TUSC3: variants seen among roughly 807,000 people sequenced by gnomAD.
The protein encoded by TUSC3 is tumor suppressor candidate 3.
In TUSC3, 45 loss-of-function variants were observed where a neutral mutation model predicts 44.8. The observed-to-expected ratio is 1.00, with a 90% CI of 0.79 to 1.29. The LOEUF is 1.29. Among genes scored for constraint, TUSC3 ranks in the 50% most tolerant of loss-of-function variants. The probability of loss-of-function intolerance (pLI) is 0.00; values close to 1 mark genes in which losing one functional copy is unlikely to be tolerated. For missense variants in TUSC3, 519 were observed against 437.9 expected (o/e 1.19, Z -1.65); for synonymous variants, 212 against 152.9 (o/e 1.39, Z -2.85).
chr8:15,807,008 A>G, the TUSC3 span: 1 of 1,449,258 alleles, frequency 6.9e-7, no homozygotes, highest in African/African-American at 1.4e-5. Context: ...TTTTCCAAAG[A>G]AGGTGCTCCT....
At chr8:15,517,472 T>C (rs79094115) in intron 2 of TUSC3, among the ~76,000 whole-genome samples, 56 of 131,346 alleles carry the variant, frequency 4.3e-4, no homozygotes, top group African/African-American at 1.6e-3. Flanking sequence ...TGGTAAATAA[T>C]GACTGAAAAT....
At chr8:15,784,599 C>G in the TUSC3 span, among the ~76,000 whole-genome samples, 3 of 151,886 alleles carry the variant, frequency 2.0e-5, no homozygotes, top group Non-Finnish European at 4.4e-5. Flanking sequence ...GTAGGAAATT[C>G]TATCATTTGC....
At chr8:15,684,378 C>T (rs1262520080) in intron 6 of TUSC3, among the ~76,000 whole-genome samples, 3 of 152,062 alleles carry the variant, frequency 2.0e-5, no homozygotes, top group East Asian at 1.9e-4. Context: ...GGCAGAGGAT[C>T]CTGACCAGGG....
chr8:15,468,892 T>C lies in TUSC3; in HGVS notation n.92-14494T>C, dbSNP rs1170167990. On this transcript the variant is annotated intron_variant and non_coding_transcript_variant, in intron 1 of 5. Transcript: ENST00000503191. ...ATGAGACTCTAATAAAAAGGAATAA[T>C]CTGAGTTAAGAGTGCAGACAGATTA... is the stretch of plus-strand genomic sequence containing the variant. Among the ~76,000 whole-genome samples the C allele has an allele frequency of 6.6e-5, 10 of 151,514 alleles. No individual in the cohort carries two copies. The East Asian group carries it at 1.9e-3, about 29-fold the overall frequency.
At chr8:15,769,868 T>TA (rs1361834810), downstream of TUSC3, among the ~76,000 whole-genome samples, 2 of 152,152 alleles carry the variant, frequency 1.3e-5, no homozygotes, top group Non-Finnish European at 2.9e-5. Flanking sequence ...CACAGTGAGA[T>TA]ACCATCTCTC....
chr8:15,510,079 G>C (rs1156742877), intron 2 of TUSC3, among the ~76,000 whole-genome samples: 1 of 152,028 alleles, frequency 6.6e-6, no homozygotes, highest in Non-Finnish European at 1.5e-5. Context: ...AGGCTGAGGG[G>C]GAAGAATTGT....
chr8:15,568,095 G>T (rs1802742895), intron 1 of TUSC3, among the ~76,000 whole-genome samples: 2 of 152,104 alleles, frequency 1.3e-5, no homozygotes, highest in African/African-American at 4.8e-5. Flanking sequence ...AAAGTGACTA[G>T]AGCCATTCTC....
At chr8:15,830,657 A>C in the TUSC3 span, among the ~76,000 whole-genome samples, 1 of 152,220 alleles carries the variant, frequency 6.6e-6, no homozygotes, top group Non-Finnish European at 1.5e-5. Flanking sequence ...ATAACTTAAA[A>C]ACAGAAAATT....
At chr8:15,564,940 G>C (rs1802609453) in intron 1 of TUSC3, among the ~76,000 whole-genome samples, 1 of 152,180 alleles carries the variant, frequency 6.6e-6, no homozygotes, top group Admixed American at 6.5e-5. Context: ...AGCTGAGGCA[G>C]ATTCATGGGC....
chr8:15,804,257 T>A, the TUSC3 span, among the ~76,000 whole-genome samples: 1 of 152,192 alleles, frequency 6.6e-6, no homozygotes, highest in Non-Finnish European at 1.5e-5. Context: ...TGGTGTGAGA[T>A]GGTTAAATAG....
the TUSC3 span, among the ~76,000 whole-genome samples, chr8:15,850,513 C>A: frequency 6.6e-6 from 1 of 152,010 alleles, no homozygotes; most frequent in Non-Finnish European, 1.5e-5. Context: ...TGTTTTGATT[C>A]GCTTCTCATA....
intron 1 of TUSC3, among the ~76,000 whole-genome samples, chr8:15,449,312 A>G (rs945305957): frequency 6.6e-6 from 1 of 152,204 alleles, no homozygotes; most frequent in Non-Finnish European, 1.5e-5. Context: ...CTTCGGTCTC[A>G]TGTTCAAAAA....
intron 1 of TUSC3, among the ~76,000 whole-genome samples, chr8:15,588,506 G>T (rs539002877): frequency 1.3e-5 from 2 of 152,080 alleles, no homozygotes; most frequent in East Asian, 3.9e-4. Flanking sequence ...CCATTCTATG[G>T]GCTGTCTCTT....
chr8:15,441,238 C>G (rs1421069398), intron 1 of TUSC3, among the ~76,000 whole-genome samples: 2 of 152,168 alleles, frequency 1.3e-5, no homozygotes, highest in Admixed American at 6.5e-5. Context: ...GAAACCCCGT[C>G]TCTACTGAAA....
the TUSC3 span, among the ~76,000 whole-genome samples, chr8:15,793,334 C>A: frequency 1.3e-5 from 2 of 152,080 alleles, no homozygotes; most frequent in East Asian, 1.9e-4. Context: ...ATTTGCATGA[C>A]CTTAGCTCCT....
At chr8:15,738,786 T>TTC (rs1399099242) in intron 7 of TUSC3, among the ~76,000 whole-genome samples, 2 of 149,784 alleles carry the variant, frequency 1.3e-5, no homozygotes, top group African/African-American at 2.4e-5. Context: ...TATACATCTT[T>TTC]TCACTTGGTA....
At chr8:15,797,262 G>A in the TUSC3 span, among the ~76,000 whole-genome samples, 2 of 152,180 alleles carry the variant, frequency 1.3e-5, no homozygotes, top group African/African-American at 4.8e-5. Context: ...TTTTGGATAA[G>A]CCAATATAAA....
At chr8:15,798,943 C>T in the TUSC3 span, among the ~76,000 whole-genome samples, 2 of 152,194 alleles carry the variant, frequency 1.3e-5, no homozygotes, top group African/African-American at 4.8e-5. Context: ...ATATCTCATT[C>T]TCCAGTGGGT....
intron 6 of TUSC3, among the ~76,000 whole-genome samples, chr8:15,697,899 TTAGTC>T (rs1162934530): frequency 6.6e-6 from 1 of 152,212 alleles, no homozygotes; most frequent in African/African-American, 2.4e-5. Flanking sequence ...ATATCAGTAT[TTAGTC>T]TAGTTAATAA....
Sources: allele counts gnomAD v4.1 joint callset (sites outside exome capture counted in the v4.1 genomes callset), GRCh38; gene constraint gnomAD v4.1.1; transcripts MANE v1.5; gene names NCBI Gene and HGNC (gene_info 2026-07-23, HGNC 2026-07-21).